The following GRIN2C variants were observed in gnomAD, a reference collection of about 807,000 sequenced individuals.
The protein encoded by GRIN2C is glutamate receptor ionotropic, NMDA 2C.
A neutral mutation model predicts 77.7 loss-of-function variants in GRIN2C; 64 were observed. The observed-to-expected ratio is 0.82, with a 90% confidence interval of 0.67 to 1.01. The LOEUF (loss-of-function observed/expected upper bound fraction) is 1.01. Among genes scored for constraint, GRIN2C ranks in the 50% least tolerant of loss-of-function variants. GRIN2C has a pLI of 0.00. For missense variants in GRIN2C, 1,549 were observed against 1,486.0 expected (o/e 1.04, Z -0.70); for synonymous variants, 792 against 643.4 (o/e 1.23, Z -3.49).
upstream of GRIN2C, among the ~76,000 whole-genome samples, chr17:74,861,193 G>C (rs2037944974): frequency 6.6e-6 from 1 of 152,122 alleles, no homozygotes; most frequent in Non-Finnish European, 1.5e-5. Context: ...CCGCGCGCCT[G>C]TCTGCTCGGC....
chr17:74,852,606 C>A lies in GRIN2C; in HGVS notation c.405G>T (p.Pro135=), dbSNP rs1434482022. 1.6e-6 allele frequency: 2 copies of A among 1,274,706 alleles called. No homozygotes were observed. The highest frequency in any genetic ancestry group is 3.4e-5 in the East Asian group (1 of 29,110). The allele number at this position is 1,274,706 out of a possible 1,614,324, so 79.0% of individuals were successfully genotyped here. A position where few individuals can be genotyped will look rare whatever the true frequency, so the allele number is the denominator to read the frequency against. ...GSAVVLTPKE[P]GSAFLQLGVS... ...CGCCCAGCTGCAGGAAGGCGGAGCCCGGCTCCTGGGGGCGGGCGGGGCCTG... is the reference window on the plus strand; with the variant it reads ...CGCCCAGCTGCAGGAAGGCGGAGCCAGGCTCCTGGGGGCGGGCGGGGCCTG... The change falls in exon 3 of 13, where the codon CCG becomes CCT. Residue 135 remains proline (P), a synonymous_variant. Coordinates refer to ENST00000293190, the MANE Select transcript of GRIN2C (RefSeq NM_000835.6).
Position 74,843,483 on chromosome 17 carries a change from G to A in GRIN2C, c.2654C>T (p.Thr885Met), listed in dbSNP as rs1225087790. The A allele has an allele frequency of 6.5e-7, 1 of 1,534,016 alleles. No homozygotes were observed. The highest frequency in any genetic ancestry group is 2.0e-5 in the Admixed American group (1 of 50,974). ...CACGCTGGCCTGGGCCGAGCTGGCC[G>A]TGAGGTCCGGGCTGGCCTGCCGCGG... Reference protein sequence around the residue: ...SPPRQASPDLTASSAQASVLK... With the variant: ...SPPRQASPDLMASSAQASVLK... The change falls in exon 13 of 13, where the codon ACG becomes ATG. Residue 885 changes from threonine to methionine, a missense_variant. Thr to Met is a moderately conservative substitution (Grantham distance 81). Coordinates refer to ENST00000293190, the MANE Select transcript of GRIN2C (RefSeq NM_000835.6).
At chr17:74,857,529 TGCCTC>T (rs1198172818) in intron 1 of GRIN2C, among the ~76,000 whole-genome samples, 1 of 152,158 alleles carries the variant, frequency 6.6e-6, no homozygotes, top group Non-Finnish European at 1.5e-5. Flanking sequence ...TGCCATGCCA[TGCCTC>T]AGCTGCCACC....
Position 74,847,573 on chromosome 17 carries a change from C to T in GRIN2C, c.1772-36G>A. Reference sequence around the variant, plus strand: ...GAGGCGGGGGGATGCTGGAGCTCCTCCTGCCCACCATGAAAGGGCTCAGGG... The same window carrying T: ...GAGGCGGGGGGATGCTGGAGCTCCTTCTGCCCACCATGAAAGGGCTCAGGG... On this transcript the variant is annotated intron_variant, in intron 8 of 12. Coordinates refer to ENST00000293190, the MANE Select transcript of GRIN2C (RefSeq NM_000835.6). The surrounding 1 kb of genome is among the most constrained non-coding windows in gnomAD (Gnocchi z 5.2). 1 of 1,465,070 alleles carries T rather than the reference C, an allele frequency of 6.8e-7. No homozygotes were observed. Among genetic ancestry groups the T allele is most frequent in the Non-Finnish European group, 9.5e-7 (1 of 1,057,198 alleles). 90.8% of individuals were successfully genotyped at this position (1,465,070 alleles called of 1,614,324 possible).
rs1309947660 is a variant in GRIN2C, at chr17:74,855,075, C to T, written c.18G>A (p.Gly6=). The change falls in exon 2 of 13, where the codon GGG becomes GGA. Residue 6 remains glycine, a synonymous_variant. Transcript: ENST00000293190. The part of the protein sequence containing the change: MGGAL[G]PALLLTSLFG... ...AGAGCGAGGTGAGCAACAGGGCCGG[C>T]CCCAGGGCCCCACCCATGTCCACCG... 1.3e-6 allele frequency: 2 copies of T among 1,588,896 alleles called. No homozygotes were observed. Among genetic ancestry groups the T allele is most frequent in the Non-Finnish European group, 1.7e-6 (2 of 1,173,702 alleles).
At position 74,859,883 on chromosome 17, in the gene GRIN2C, T is replaced by TGCGGCGGCG. The variant is rs71157101; in HGVS notation, c.-156_-155insCGCCGCCGC. On this transcript the variant is annotated 5_prime_UTR_variant, in exon 1 of 13. Transcript: ENST00000293190. The surrounding 1 kb of genome is among the most constrained non-coding windows in gnomAD (Gnocchi z 5.9). ...ACCCGCGGCTCAAGGACACTCGCGATGCGGCGGCGGCGGCGGCGGCGGCGG... is the reference window on the plus strand; with the variant it reads ...ACCCGCGGCTCAAGGACACTCGCGATGCGGCGGCGGCGGCGGCGGCGGCGGCGGCGGCGG... The TGCGGCGGCG allele has an allele frequency of 2.1e-3, 348 of 165,716 alleles. No individual in the cohort carries two copies. Among genetic ancestry groups the TGCGGCGGCG allele is most frequent in the Non-Finnish European group, 3.5e-3 (281 of 79,320 alleles). The allele number at this position is 165,716 out of a possible 1,614,324, so 10.3% of individuals were successfully genotyped here.
At chr17:74,858,621 C>T (rs1191645425) in intron 1 of GRIN2C, among the ~76,000 whole-genome samples, 2 of 140,478 alleles carry the variant, frequency 1.4e-5, no homozygotes, top group East Asian at 4.4e-4. Flanking sequence ...TCCCACCTAC[C>T]CACCCCCGCC....
At position 74,847,557 on chromosome 17, in the gene GRIN2C, G is replaced by A. The variant is rs752251039; in HGVS notation, c.1772-20C>T. On this transcript the variant is annotated intron_variant, in intron 8 of 12. Coordinates refer to ENST00000293190, the MANE Select transcript of GRIN2C (RefSeq NM_000835.6). The surrounding 1 kb of genome is among the most constrained non-coding windows in gnomAD (Gnocchi z 5.2). ...CGGACTCTGGGGGCAAGAGGCGGGG[G>A]GATGCTGGAGCTCCTCCTGCCCACC... 15 of 1,547,532 alleles carry A rather than the reference G, an allele frequency of 9.7e-6. No individual in the cohort carries two copies. The South Asian group carries it at 1.0e-4, about 10-fold the overall frequency.
Position 74,846,437 on chromosome 17 carries a change from T to C in GRIN2C, c.2163-184A>G, listed in dbSNP as rs3744190. ...GGTGAGGACCCCTCCCACCCTCCTC[T>C]GCAGAGTGGCCAGGGGACTGTCTGT... is the stretch of plus-strand genomic sequence containing the variant. On this transcript the variant is annotated intron_variant, in intron 10 of 12. Transcript: ENST00000293190. The surrounding 1 kb of genome is among the most constrained non-coding windows in gnomAD (Gnocchi z 4.4). Among the ~76,000 whole-genome samples, 44,973 of 152,016 alleles carry C rather than the reference T, an allele frequency of 0.3. 6,921 individuals are homozygous for C. Among genetic ancestry groups the C allele is most frequent in the East Asian group, 0.43 (2,217 of 5,146 alleles).
At chr17:74,844,169 G>A (rs1042580150) in intron 12 of GRIN2C, 107 bp downstream of exon 12, 3 of 1,522,094 alleles carry the variant, frequency 2.0e-6, no homozygotes, top group Non-Finnish European at 1.8e-6. Flanking sequence ...CCATGAGCCG[G>A]GCCAGAACCT....
upstream of GRIN2C, chr17:74,860,679 C>T: frequency 2.8e-6 from 1 of 355,830 alleles, no homozygotes; most frequent in East Asian, 7.6e-5. Flanking sequence ...TCTGCCTACC[C>T]TTCCCTTTGC....
In GRIN2C at chr17:74,846,717, A is replaced by C. The variant is rs762468311; in HGVS notation, c.2162+43T>G. The C allele has an allele frequency of 1.9e-6, 3 of 1,586,700 alleles. No individual in the cohort carries two copies. In the Admixed American group the frequency reaches 5.1e-5, roughly 27 times the overall value. ...TGAGAGCTAAGGCTGGTCACTGGGG[A>C]GACACACGGATGAAGACAGCGGGTG... On this transcript the variant is annotated intron_variant, in intron 10 of 12. Transcript: ENST00000293190. The surrounding 1 kb of genome is among the most constrained non-coding windows in gnomAD (Gnocchi z 4.4).
intron 2 of GRIN2C, chr17:74,853,407 G>A (rs1224385740): frequency 1.3e-5 from 2 of 152,358 alleles, no homozygotes; most frequent in East Asian, 3.9e-4. Flanking sequence ...CAACCGGCAC[G>A]TGTGGACCCG....
rs796233704 is a variant in GRIN2C at position 74,850,607 on chromosome 17, C to A, written c.1274G>T (p.Gly425Val). Residue 425 changes from glycine (G) to valine (V), a missense_variant, in exon 5 of 13, where the codon GGC becomes GTC. By Grantham distance (109) the Gly-to-Val change is moderately radical. Coordinates refer to ENST00000293190, the MANE Select transcript of GRIN2C (RefSeq NM_000835.6). The surrounding 1 kb of genome is among the most constrained non-coding windows in gnomAD (Gnocchi z 5.3). ...IVESPDPGTG[G>V]CVPNTVPCRR... ...GCAGGGCACGGTGTTGGGGACACAGCCTCCTGTGCCAGGGTCAGGGCTCTC... is the reference window on the plus strand; with the variant it reads ...GCAGGGCACGGTGTTGGGGACACAGACTCCTGTGCCAGGGTCAGGGCTCTC... 1.2e-6 allele frequency: 2 copies of A among 1,613,538 alleles called. No individual in the cohort carries two copies. The highest frequency in any genetic ancestry group is 1.7e-6 in the Non-Finnish European group (2 of 1,180,032).
chr17:74,859,167 C>T lies in GRIN2C; in HGVS notation c.-16+577G>A, dbSNP rs1472868039. ...GACACATTGTCTCAGAGACCTCTGCCCACCCACCCACTCAGGGTCTCACCC... is the reference window on the plus strand; with the variant it reads ...GACACATTGTCTCAGAGACCTCTGCTCACCCACCCACTCAGGGTCTCACCC... On this transcript the variant is annotated intron_variant, in intron 1 of 12. Transcript: ENST00000293190. This position sits in a 1 kb window ranked among gnomAD's most constrained non-coding sequence, Gnocchi z 5.9. Among the ~76,000 whole-genome samples, 5 of 152,204 alleles carry T rather than the reference C, an allele frequency of 3.3e-5. No individual in the cohort carries two copies. The highest frequency in any genetic ancestry group is 4.4e-5 in the Non-Finnish European group (3 of 68,028).
chr17:74,849,776 T>C lies in GRIN2C; in HGVS notation c.1645+4A>G. ...GAGCCGTCTCTGCCCACCCTGGGCCTCACCCAAGAAGGCCGAGGGGGAGAC... is the reference window on the plus strand; with the variant it reads ...GAGCCGTCTCTGCCCACCCTGGGCCCCACCCAAGAAGGCCGAGGGGGAGAC... On this transcript the variant is annotated splice_donor_region_variant and intron_variant, in intron 7 of 12. Coordinates refer to ENST00000293190, the MANE Select transcript of GRIN2C (RefSeq NM_000835.6). This position sits in a 1 kb window ranked among gnomAD's most constrained non-coding sequence, Gnocchi z 4.6. The C allele has an allele frequency of 6.2e-7, 1 of 1,610,656 alleles. No homozygotes were observed.
rs779692493 is a variant in GRIN2C, at chr17:74,852,559, T to C, written c.452A>G (p.Gln151Arg). Residue 151 changes from glutamine (Q) to arginine (R), a missense_variant, in exon 3 of 13, where the codon CAG (glutamine) becomes CGG (arginine). By Grantham distance (43) the Gln-to-Arg change is conservative (BLOSUM62 1). This residue lies in a region of GRIN2C where 382 missense variants were observed against 360.0 expected (regional missense o/e 1.06). Transcript: ENST00000293190. ...CTCTTCCAGCACCTTGAACAGCACC[T>C]GCAGCTGCTGCTCCAGGGACACGCC... Reference protein sequence around the residue: ...QLGVSLEQQLQVLFKVLEEYD... With the variant: ...QLGVSLEQQLRVLFKVLEEYD... 4 of 1,508,650 alleles carry C rather than the reference T, an allele frequency of 2.7e-6. No homozygotes were observed. Among genetic ancestry groups the C allele is most frequent in the East Asian group, 5.4e-5 (2 of 36,800 alleles). 93.5% of individuals were successfully genotyped at this position (1,508,650 alleles called of 1,614,324 possible). A position where few individuals can be genotyped will look rare whatever the true frequency, so the allele number is the denominator to read the frequency against.
Position 74,852,006 on chromosome 17 carries a change from T to C in GRIN2C, c.998+7A>G. On this transcript the variant is annotated splice_region_variant and intron_variant, in intron 3 of 12. Transcript: ENST00000293190. ...TCCCTACCCCTATGCCCCGGGCAGGTGCCCACCTGTAGAAGGCCTCCCGGG... is the reference window on the plus strand; with the variant it reads ...TCCCTACCCCTATGCCCCGGGCAGGCGCCCACCTGTAGAAGGCCTCCCGGG... 6.8e-7 allele frequency: 1 copy of C among 1,467,656 alleles called. No homozygotes were observed. Among genetic ancestry groups the C allele is most frequent in the Non-Finnish European group, 9.0e-7 (1 of 1,108,064 alleles). 90.9% of individuals were successfully genotyped at this position (1,467,656 alleles called of 1,614,324 possible).
chr17:74,849,908 G>A lies in GRIN2C; in HGVS notation c.1517C>T (p.Ala506Val), dbSNP rs938295934. 5.0e-6 allele frequency: 8 copies of A among 1,613,360 alleles called. No homozygotes were observed. In the African/African-American group the frequency reaches 6.7e-5, roughly 13 times the overall value. ...CTCATTGATGGTGAGGGAGCCGATG[G>A]CCATGTCTGCCCGCTTGTAGTACAC... ...GEVYYKRADM[A>V]IGSLTINEER... is the part of the protein sequence containing the mutation. Residue 506 changes from alanine to valine, a missense_variant, in exon 7 of 13, where the codon GCC becomes GTC. Ala to Val is a moderately conservative substitution (Grantham distance 64). Around this residue, in one of 3 missense-constraint regions of GRIN2C, gnomAD observed 717 missense variants for 858.1 expected, o/e 0.84. Transcript: ENST00000293190. The surrounding 1 kb of genome is among the most constrained non-coding windows in gnomAD (Gnocchi z 4.6).
Sources: allele counts gnomAD v4.1 joint callset (sites outside exome capture counted in the v4.1 genomes callset), GRCh38; gene constraint gnomAD v4.1.1; regional missense constraint gnomAD v4.1.1; non-coding constraint Gnocchi (gnomAD v3.1); transcripts MANE v1.5; gene names NCBI Gene and HGNC (gene_info 2026-07-23, HGNC 2026-07-21).